The following TRAPPC9 variants were observed in gnomAD, a reference collection of about 807,000 sequenced individuals.
The protein encoded by TRAPPC9 is trafficking protein particle complex subunit 9.
Under a neutral mutation model 124.0 loss-of-function variants are expected in TRAPPC9, and 83 were observed. The observed-to-expected ratio is 0.67, with a 90% CI of 0.56 to 0.80. The LOEUF is 0.80. TRAPPC9 is among the 30% of genes least tolerant of loss of function. The pLI, the probability that TRAPPC9 is intolerant of heterozygous loss-of-function variation, is 0.00. For missense variants in TRAPPC9, 1,302 were observed against 1,508.3 expected, an observed-to-expected ratio of 0.86 and a Z score of 2.27; for synonymous variants, 638 against 617.5, an observed-to-expected ratio of 1.03 and a Z score of -0.49.
In TRAPPC9 at chr8:140,372,202, C is replaced by A. The variant is rs534690662; in HGVS notation, c.1135-1022G>T. ...GGCCTGGGCCCTGCCCACTGCACAG[C>A]GCCTTCAGAGAAGAAGGAAGGCAGA... is the stretch of plus-strand genomic sequence containing the variant. On this transcript the variant is annotated intron_variant, in intron 7 of 22. Transcript: ENST00000438773. Among the ~76,000 whole-genome samples the A allele has an allele frequency of 3.9e-5, 6 of 152,348 alleles. No homozygotes were observed. The South Asian group carries it at 1.2e-3, about 32-fold the overall frequency.
chr8:140,116,528 G>A (rs1338687428), intron 17 of TRAPPC9, among the ~76,000 whole-genome samples: 1 of 152,170 alleles, frequency 6.6e-6, no homozygotes, highest in Non-Finnish European at 1.5e-5. Context: ...TCATTTGTTT[G>A]GCATTGCCGT....
chr8:140,366,788 CAA>C (rs1272898810), intron 8 of TRAPPC9, among the ~76,000 whole-genome samples: 1 of 152,112 alleles, frequency 6.6e-6, no homozygotes, highest in Non-Finnish European at 1.5e-5. Flanking sequence ...AATGAGAAAA[CAA>C]GACACAGACT....
At position 140,207,702 on chromosome 8, in the gene TRAPPC9, AG is replaced by A; in HGVS notation, c.2556+13756del. 1.3e-5 allele frequency among the ~76,000 whole-genome samples: 2 copies of A among 152,350 alleles called. 1 individual carries two copies. The highest frequency in any genetic ancestry group is 4.1e-4 in the South Asian group (2 of 4,824). Reference sequence around the variant, plus strand: ...GGTGACAGCGTCTTGCAAAGATTTCAGGGTTTCTGAGAATCCTGGTGTTTTG... The same window carrying A: ...GGTGACAGCGTCTTGCAAAGATTTCAGGTTTCTGAGAATCCTGGTGTTTTG... On this transcript the variant is annotated intron_variant, in intron 17 of 22. Transcript: ENST00000438773.
At chr8:140,123,903 G>GCAGC (rs2061033915) in intron 17 of TRAPPC9, among the ~76,000 whole-genome samples, 1 of 152,190 alleles carries the variant, frequency 6.6e-6, no homozygotes, top group Non-Finnish European at 1.5e-5. Flanking sequence ...GTGGTAACAA[G>GCAGC]CAGCCTCCAA....
At chr8:140,001,383 T>A (rs1004141174) in intron 18 of TRAPPC9, among the ~76,000 whole-genome samples, 5 of 150,678 alleles carry the variant, frequency 3.3e-5, no homozygotes, top group African/African-American at 1.2e-4. Flanking sequence ...GAACTTAAAG[T>A]ATAATAATAA....
chr8:139,843,675 G>T (rs1243959567), intron 21 of TRAPPC9, among the ~76,000 whole-genome samples: 1 of 152,196 alleles, frequency 6.6e-6, no homozygotes, highest in Non-Finnish European at 1.5e-5. Flanking sequence ...ACCAGCCACT[G>T]CTGGCTTTGG....
chr8:139,737,466 T>TCCACC (rs1554633752), intron 21 of TRAPPC9, among the ~76,000 whole-genome samples: 1 of 41,368 alleles, frequency 2.4e-5, no homozygotes, highest in East Asian at 1.1e-3. Context: ...TCATCAGCCC[T>TCCACC]CCCCCCCCCC....
At chr8:140,286,673 G>C (rs1190997490) in intron 13 of TRAPPC9, among the ~76,000 whole-genome samples, 1 of 152,118 alleles carries the variant, frequency 6.6e-6, no homozygotes, top group Non-Finnish European at 1.5e-5. Context: ...GGCTTGACGG[G>C]GGCAGGGGCA....
intron 21 of TRAPPC9, chr8:139,881,237 G>A (rs1226396458): frequency 6.6e-6 from 1 of 152,200 alleles, no homozygotes; most frequent in South Asian, 2.1e-4. Flanking sequence ...CCCCTCCCTG[G>A]GGAATTTGTT....
At chr8:139,915,809 G>A (rs1394152120) in intron 19 of TRAPPC9, among the ~76,000 whole-genome samples, 1 of 152,192 alleles carries the variant, frequency 6.6e-6, no homozygotes, top group South Asian at 2.1e-4. Context: ...GTGAGGGAAG[G>A]GCTGTCTGAG....
intron 16 of TRAPPC9, among the ~76,000 whole-genome samples, chr8:140,235,279 T>G (rs1351659268): frequency 6.6e-6 from 1 of 152,222 alleles, no homozygotes; most frequent in African/African-American, 2.4e-5. Flanking sequence ...GGCTGAAAAT[T>G]TATAATTTTT....
At chr8:139,894,394 G>A (rs547081376) in intron 20 of TRAPPC9, among the ~76,000 whole-genome samples, 1 of 152,092 alleles carries the variant, frequency 6.6e-6, no homozygotes, top group East Asian at 1.9e-4. Flanking sequence ...TTCCAGGAGG[G>A]GTCAGCTCTG....
At chr8:140,444,636 G>A (rs2071171705) in intron 2 of TRAPPC9, among the ~76,000 whole-genome samples, 1 of 152,082 alleles carries the variant, frequency 6.6e-6, no homozygotes. Flanking sequence ...TGAAGCAGGA[G>A]GATCACCTGA....
intron 21 of TRAPPC9, among the ~76,000 whole-genome samples, chr8:139,757,092 G>C (rs565161722): frequency 7.4e-6 from 1 of 134,512 alleles, no homozygotes. Context: ...GAGGAGCCAG[G>C]GTTTGGGGAT....
chr8:140,140,962 A>G (rs895249826), intron 17 of TRAPPC9, among the ~76,000 whole-genome samples: 4 of 152,180 alleles, frequency 2.6e-5, no homozygotes, highest in Non-Finnish European at 4.4e-5. Context: ...AGATGTCCAA[A>G]TGGCAGCTTT....
intron 21 of TRAPPC9, among the ~76,000 whole-genome samples, chr8:139,880,369 C>T (rs1563887652): frequency 2.6e-5 from 4 of 152,194 alleles, no homozygotes; most frequent in Admixed American, 1.3e-4. Flanking sequence ...CTGGGACTCA[C>T]AGATCCAGCT....
intron 4 of TRAPPC9, among the ~76,000 whole-genome samples, chr8:140,434,675 A>G (rs574808343): frequency 6.6e-6 from 1 of 152,354 alleles, no homozygotes; most frequent in Admixed American, 6.5e-5. Context: ...AAAATGTCTC[A>G]TACAAGATTT....
At chr8:140,417,856 A>G (rs1259080003) in intron 5 of TRAPPC9, among the ~76,000 whole-genome samples, 1 of 152,266 alleles carries the variant, frequency 6.6e-6, no homozygotes, top group African/African-American at 2.4e-5. Context: ...TGTGGCACAT[A>G]TACACCATGG....
At chr8:140,390,170 T>A (rs1226181421) in intron 7 of TRAPPC9, among the ~76,000 whole-genome samples, 3 of 152,040 alleles carry the variant, frequency 2.0e-5, no homozygotes, top group Non-Finnish European at 2.9e-5. Context: ...CGGGCAGTAG[T>A]GGCGGGTGCC....
Sources: gnomAD v4.1 joint callset for allele counts (sites outside exome capture counted in the v4.1 genomes callset) on GRCh38, gnomAD v4.1.1 for gene constraint, MANE v1.5 for transcripts, NCBI Gene and HGNC (gene_info 2026-07-23, HGNC 2026-07-21) for gene names.